The following RYR3 variants were observed in gnomAD, a reference collection of about 807,000 sequenced individuals.
The protein encoded by RYR3 is ryanodine receptor 3.
A neutral mutation model predicts 584.3 loss-of-function variants in RYR3; 207 were observed. The observed-to-expected ratio is 0.35, with a 90% CI of 0.32 to 0.40. The LOEUF is 0.40. RYR3 is among the 10% of genes least tolerant of loss of function. The pLI is 1.00. For synonymous variants in RYR3, 2,416 were observed against 2,248.5 expected, an observed-to-expected ratio of 1.07 and a Z score of -2.11; for missense variants, 5,616 against 6,089.2, an observed-to-expected ratio of 0.92 and a Z score of 2.59.
At chr15:33,590,594 T>G (rs908508151) in intron 16 of RYR3, among the ~76,000 whole-genome samples, 47 of 151,878 alleles carry the variant, frequency 3.1e-4, no homozygotes, top group African/African-American at 1.1e-3. Context: ...TGTTTCGTAA[T>G]TTTTTTTAGA....
At chr15:33,320,465 C>T (rs1054337802) in intron 1 of RYR3, among the ~76,000 whole-genome samples, 1 of 152,188 alleles carries the variant, frequency 6.6e-6, no homozygotes, top group East Asian at 1.9e-4. Context: ...CTGGAAGTTA[C>T]ATAGATGAAA....
At chr15:33,694,789 G>T (rs149332615) in intron 38 of RYR3, among the ~76,000 whole-genome samples, 141 of 152,274 alleles carry the variant, frequency 9.3e-4, no homozygotes, top group African/African-American at 3.2e-3. Context: ...TCCTTTAACT[G>T]TGCTTCTCTC....
chr15:33,486,418 A>C (rs562502140), intron 2 of RYR3, among the ~76,000 whole-genome samples: 3 of 152,122 alleles, frequency 2.0e-5, no homozygotes, highest in Non-Finnish European at 4.4e-5. Context: ...TTGCCTGTAC[A>C]TAGCATTTTG....
Position 33,707,150 on chromosome 15 carries a change from G to A in RYR3, c.6619+96G>A, listed in dbSNP as rs917682798. The A allele has an allele frequency of 2.4e-5, 33 of 1,399,802 alleles. No individual in the cohort carries two copies. The African/African-American group carries it at 4.6e-4, about 19-fold the overall frequency. 86.7% of individuals were successfully genotyped at this position (1,399,802 alleles called of 1,614,324 possible). ...ATATCCTTTCCATTGCTTCTTATCT[G>A]AAAATAGGGGGTTGGTGGCTGGCAA... On this transcript the variant is annotated intron_variant, in intron 43 of 103. Coordinates refer to ENST00000634891, the MANE Select transcript of RYR3 (RefSeq NM_001036.6).
intron 2 of RYR3, among the ~76,000 whole-genome samples, chr15:33,495,015 A>G (rs2051292790): frequency 6.6e-6 from 1 of 152,194 alleles, no homozygotes; most frequent in Non-Finnish European, 1.5e-5. Flanking sequence ...TTTGGAAGAA[A>G]AAGCTTATAT....
intron 1 of RYR3, among the ~76,000 whole-genome samples, chr15:33,403,558 C>T: frequency 1.3e-5 from 2 of 152,236 alleles, no homozygotes; most frequent in South Asian, 4.1e-4. Flanking sequence ...GTAAATATAT[C>T]AGAATCTAAA....
chr15:33,587,594 T>C lies in RYR3; in HGVS notation c.1788+1478T>C, dbSNP rs1378608357. On this transcript the variant is annotated intron_variant, in intron 16 of 103. Transcript: ENST00000634891. ...CTAGAAATCAATGCCTGATCTGATA[T>C]GTTATCAGAGTAGCCTTTAATCTTC... is the stretch of plus-strand genomic sequence containing the variant. 2.6e-5 allele frequency among the ~76,000 whole-genome samples: 4 copies of C among 152,342 alleles called. No individual in the cohort carries two copies. The South Asian group carries it at 6.2e-4, about 24-fold the overall frequency.
chr15:33,858,670 G>A (rs2079988210), intron 99 of RYR3: 1 of 146,468 alleles, frequency 6.8e-6, no homozygotes, highest in Admixed American at 7.0e-5. Context: ...GCCAGCAGCA[G>A]GATCAGGTTG....
chr15:33,728,588 A>G (rs2068658602), intron 46 of RYR3, among the ~76,000 whole-genome samples: 1 of 152,170 alleles, frequency 6.6e-6, no homozygotes, highest in African/African-American at 2.4e-5. Flanking sequence ...TTTGCGCTAT[A>G]CTTACCTGTT....
At chr15:33,431,472 G>A (rs1045805460) in intron 1 of RYR3, among the ~76,000 whole-genome samples, 2 of 152,132 alleles carry the variant, frequency 1.3e-5, no homozygotes. Flanking sequence ...TTCTGAAAAG[G>A]AAGAGAGGGG....
At chr15:33,699,902 G>A in intron 41 of RYR3, 69 bp downstream of exon 41, 1 of 1,513,300 alleles carries the variant, frequency 6.6e-7, no homozygotes, top group South Asian at 1.2e-5. Flanking sequence ...GACCACTTAG[G>A]AAAATACAGG....
chr15:33,818,299 G>T (rs902758415), intron 75 of RYR3, among the ~76,000 whole-genome samples: 4 of 152,076 alleles, frequency 2.6e-5, no homozygotes, highest in Admixed American at 6.5e-5. Flanking sequence ...TCCCTTTATG[G>T]GCAGCCTTTT....
intron 1 of RYR3, among the ~76,000 whole-genome samples, chr15:33,341,933 G>C (rs1207498046): frequency 2.6e-5 from 4 of 152,204 alleles, no homozygotes; most frequent in Admixed American, 2.6e-4. Context: ...TGAGGCTCGA[G>C]GGTGACCTAT....
Position 33,785,882 on chromosome 15 carries a change from G to C in RYR3, c.9489G>C (p.Lys3163Asn), listed in dbSNP as rs1356421512. The C allele has an allele frequency of 1.9e-6, 3 of 1,613,862 alleles. No homozygotes were observed. Among genetic ancestry groups the C allele is most frequent in the Admixed American group, 3.3e-5 (2 of 59,998 alleles). ...CCAGCACAGGGCCATGCTGCACCAA[G>C]GTCACCTCTGAACACCTCAGTCTCA... Reference protein sequence around the residue: ...LPPSTGPCCTKVTSEHLSLIL... With the variant: ...LPPSTGPCCTNVTSEHLSLIL... The change falls in exon 66 of 104, where the codon AAG (lysine) becomes AAC (asparagine). Residue 3163 changes from lysine (K) to asparagine (N), a missense_variant. Physicochemically the swap from Lys to Asn is moderately conservative, Grantham distance 94. This residue lies in a region of RYR3 where 954 missense variants were observed against 1,132.2 expected (regional missense o/e 0.84). Coordinates refer to ENST00000634891, the MANE Select transcript of RYR3 (RefSeq NM_001036.6).
At chr15:33,654,498 A>G (rs4779625) in intron 32 of RYR3, among the ~76,000 whole-genome samples, 98,996 of 151,028 alleles carry the variant, frequency 0.66, 32,707 homozygotes, top group Admixed American at 0.69. Flanking sequence ...GTGACTGAGT[A>G]AGACCCTGTC....
rs558171744 is a variant in RYR3 at position 33,515,738 on chromosome 15, C to G, written c.279+12000C>G. On this transcript the variant is annotated intron_variant, in intron 3 of 103. Transcript: ENST00000634891. The stretch of plus-strand genomic sequence containing the variant: ...AATTCAAACTGGTTTATTGTTTTGC[C>G]TTAGGTTTTTGGCTTGCAGGAATAC... Among the ~76,000 whole-genome samples the G allele has an allele frequency of 1.4e-4, 22 of 152,314 alleles. No individual in the cohort carries two copies. In the South Asian group the frequency reaches 4.6e-3, roughly 32 times the overall value.
chr15:33,435,456 G>A (rs554735501), intron 1 of RYR3, among the ~76,000 whole-genome samples: 1 of 152,078 alleles, frequency 6.6e-6, no homozygotes, highest in Non-Finnish European at 1.5e-5. Context: ...TGGGGCTCTG[G>A]ATATGTGTAT....
intron 1 of RYR3, among the ~76,000 whole-genome samples, chr15:33,344,443 G>A (rs758619647): frequency 1.3e-5 from 2 of 152,124 alleles, no homozygotes; most frequent in Non-Finnish European, 2.9e-5. Context: ...TTCTAATACA[G>A]TTTTCGGTTC....
In RYR3 at chr15:33,662,483, A is replaced by G. The variant is rs531794503; in HGVS notation, c.4953A>G (p.Gly1651=). The G allele has an allele frequency of 6.2e-7, 1 of 1,614,002 alleles. No individual in the cohort carries two copies. The highest frequency in any genetic ancestry group is 1.1e-5 in the South Asian group (1 of 91,084). The part of the protein sequence containing the change: ...RLFPDESKRH[G]LPGVGLRTCL... ...TCCCGGACGAGTCCAAGAGGCATGG[A>G]CTGCCTGGGGTGGGCCTGAGAACAT... The change falls in exon 35 of 104, where the codon GGA becomes GGG. Residue 1651 remains glycine (G), a synonymous_variant. Transcript: ENST00000634891.
Sources: allele counts gnomAD v4.1 joint callset (sites outside exome capture counted in the v4.1 genomes callset), GRCh38; gene constraint gnomAD v4.1.1; regional missense constraint gnomAD v4.1.1; transcripts MANE v1.5; gene names NCBI Gene and HGNC (gene_info 2026-07-23, HGNC 2026-07-21).